Variants in CCDC141 observed in about 807,000 individuals in gnomAD.
CCDC141 encodes coiled-coil domain-containing protein 141.
CCDC141 carries 168 observed loss-of-function variants against 181.0 expected under a neutral mutation model. The ratio of observed to expected loss-of-function variants is 0.93; its 90% CI spans 0.82 to 1.05. The LOEUF is 1.05. CCDC141 is among the 50% of genes least tolerant of loss of function. CCDC141 has a pLI of 0.00. For synonymous variants in CCDC141, 666 were observed against 642.3 expected (o/e 1.04, Z -0.56); for missense variants, 1,902 against 1,788.5 (o/e 1.06, Z -1.14).
chr2:178,958,175 C>A (rs999807710), intron 5 of CCDC141, among the ~76,000 whole-genome samples: 4 of 152,118 alleles, frequency 2.6e-5, no homozygotes, highest in Non-Finnish European at 5.9e-5. Context: ...ATTATTAGGG[C>A]AGTGAAAATG....
intron 22 of CCDC141, among the ~76,000 whole-genome samples, chr2:178,841,358 T>C (rs1005184927): frequency 6.6e-6 from 1 of 152,212 alleles, no homozygotes; most frequent in Non-Finnish European, 1.5e-5. Context: ...CATAATAAAT[T>C]ATGCCTATGG....
At chr2:178,836,495 T>TA (rs1684481015) in intron 23 of CCDC141, 1 of 160,670 alleles carries the variant, frequency 6.2e-6, no homozygotes, top group African/African-American at 2.4e-5. Flanking sequence ...TAAAGGGAAA[T>TA]AAAAACAAAT....
intron 9 of CCDC141, among the ~76,000 whole-genome samples, chr2:178,887,209 G>A (rs1264116918): frequency 6.6e-6 from 1 of 152,112 alleles, no homozygotes; most frequent in Non-Finnish European, 1.5e-5. Flanking sequence ...CATCAACAGA[G>A]ATGAATTTAT....
At chr2:178,974,845 T>A (rs1393984551) in intron 4 of CCDC141, among the ~76,000 whole-genome samples, 1 of 152,158 alleles carries the variant, frequency 6.6e-6, no homozygotes, top group Non-Finnish European at 1.5e-5. Context: ...CAGAATCTCC[T>A]GGAGGCATAT....
intron 8 of CCDC141, among the ~76,000 whole-genome samples, chr2:178,897,915 CT>C (rs1379092976): frequency 3.9e-5 from 6 of 152,158 alleles, no homozygotes; most frequent in African/African-American, 1.4e-4. Context: ...CAAAATTATG[CT>C]TGGTAGCAGG....
chr2:179,001,262 C>T lies in CCDC141; in HGVS notation c.226-22587G>A, dbSNP rs144427286. 5.1e-3 allele frequency among the ~76,000 whole-genome samples: 776 copies of T among 152,266 alleles called. 11 individuals are homozygous for T. Among genetic ancestry groups the T allele is most frequent in the African/African-American group, 0.018 (730 of 41,554 alleles). ...ATTTTAGATACTTACGCATCTCTCA[C>T]AGTATATTTGTGAACTCTTAGGGAC... On this transcript the variant is annotated intron_variant, in intron 2 of 23. Coordinates refer to ENST00000443758, the MANE Select transcript of CCDC141 (RefSeq NM_173648.4).
At chr2:178,887,918 A>G (rs1424020441) in intron 9 of CCDC141, among the ~76,000 whole-genome samples, 1 of 152,190 alleles carries the variant, frequency 6.6e-6, no homozygotes, top group Non-Finnish European at 1.5e-5. Flanking sequence ...ATTTAGTCAA[A>G]TTGTAGCTCC....
intron 2 of CCDC141, among the ~76,000 whole-genome samples, chr2:179,000,149 C>T (rs911528824): frequency 6.6e-6 from 1 of 151,478 alleles, no homozygotes; most frequent in South Asian, 2.1e-4. Context: ...GGCTTATGAT[C>T]CAAATCTGTC....
chr2:178,982,885 G>A (rs1691500614), intron 2 of CCDC141, among the ~76,000 whole-genome samples: 1 of 152,202 alleles, frequency 6.6e-6, no homozygotes, highest in African/African-American at 2.4e-5. Flanking sequence ...GCCAGGCTGG[G>A]GGAGGGGCTC....
chr2:179,017,240 A>C (rs912745558), intron 2 of CCDC141, among the ~76,000 whole-genome samples: 2 of 152,126 alleles, frequency 1.3e-5, no homozygotes, highest in African/African-American at 4.8e-5. Context: ...CTTTTGAAAA[A>C]AAATAATACT....
intron 14 of CCDC141, among the ~76,000 whole-genome samples, chr2:178,870,576 T>G (rs1686073909): frequency 6.6e-6 from 1 of 152,164 alleles, no homozygotes; most frequent in African/African-American, 2.4e-5. Context: ...GAGAGTTTTA[T>G]AAGAGTTTGC....
In CCDC141 at chr2:178,942,195, A is replaced by G. The variant is rs182589164; in HGVS notation, c.897+2340T>C. Among the ~76,000 whole-genome samples the G allele has an allele frequency of 9.2e-5, 14 of 152,142 alleles. No homozygotes were observed. In the East Asian group the frequency reaches 2.5e-3, roughly 27 times the overall value. The stretch of plus-strand genomic sequence containing the variant: ...GTCTGGAACCTCCCAGGCTCAAACC[A>G]TCCTCCCACCTCAGCCTCCTGAATA... On this transcript the variant is annotated intron_variant, in intron 6 of 23. Coordinates refer to ENST00000443758, the MANE Select transcript of CCDC141 (RefSeq NM_173648.4).
chr2:178,889,375 T>C (rs1266425683), intron 8 of CCDC141, among the ~76,000 whole-genome samples: 2 of 152,198 alleles, frequency 1.3e-5, no homozygotes. Context: ...TTAACAAGTT[T>C]CCTCATATTG....
chr2:178,845,930 C>T (rs901962714), intron 21 of CCDC141, among the ~76,000 whole-genome samples, 188 bp from the exon 22 acceptor site: 3 of 152,206 alleles, frequency 2.0e-5, no homozygotes, highest in Admixed American at 1.3e-4. Flanking sequence ...TCCCTCCTGC[C>T]TCATTCCTTT....
chr2:178,991,228 T>C (rs1692040047), intron 2 of CCDC141, among the ~76,000 whole-genome samples: 1 of 152,176 alleles, frequency 6.6e-6, no homozygotes, highest in Non-Finnish European at 1.5e-5. Flanking sequence ...TTTCTCTTTG[T>C]TTTTCAGACA....
At chr2:178,880,723 A>G (rs1395684209) in intron 11 of CCDC141, among the ~76,000 whole-genome samples, 2 of 152,234 alleles carry the variant, frequency 1.3e-5, no homozygotes, top group East Asian at 1.9e-4. Flanking sequence ...ACTAAAACAT[A>G]GGGTGTTATA....
chr2:178,822,142 C>A, the CCDC141 span, among the ~76,000 whole-genome samples: 1 of 151,476 alleles, frequency 6.6e-6, no homozygotes, highest in Non-Finnish European at 1.5e-5. Context: ...TCATTCTCAG[C>A]AAACTATCGC....
chr2:178,890,935 T>C (rs573404030), intron 8 of CCDC141, among the ~76,000 whole-genome samples: 2 of 152,288 alleles, frequency 1.3e-5, no homozygotes, highest in African/African-American at 4.8e-5. Context: ...ATCCTTAAAA[T>C]AACTTTGTGA....
intron 8 of CCDC141, among the ~76,000 whole-genome samples, chr2:178,901,169 C>A (rs542533430): frequency 6.6e-6 from 1 of 152,086 alleles, no homozygotes; most frequent in Admixed American, 6.6e-5. Flanking sequence ...CCATGCGTGG[C>A]CAGAGGTACA....
Sources: allele counts gnomAD v4.1 joint callset (sites outside exome capture counted in the v4.1 genomes callset), GRCh38; gene constraint gnomAD v4.1.1; transcripts MANE v1.5; gene names NCBI Gene and HGNC (gene_info 2026-07-23, HGNC 2026-07-21).